The following PPP1R1C variants were observed in gnomAD, a reference collection of about 807,000 sequenced individuals.
PPP1R1C encodes protein phosphatase 1 regulatory inhibitor subunit 1C.
In PPP1R1C, 15 loss-of-function variants were observed where a neutral mutation model predicts 17.4. The observed-to-expected ratio is 0.86, with a 90% CI of 0.58 to 1.33. PPP1R1C has a LOEUF of 1.33. Among genes scored for constraint, PPP1R1C ranks in the 40% most tolerant of loss-of-function variants. The pLI, the probability that PPP1R1C is intolerant of heterozygous loss-of-function variation, is 0.00. For missense variants in PPP1R1C, 143 were observed against 130.0 expected (o/e 1.10, Z -0.48); for synonymous variants, 35 against 43.1 (o/e 0.81, Z 0.73).
chr2:182,082,492 G>A (rs767316535), intron 4 of PPP1R1C, among the ~76,000 whole-genome samples: 1 of 152,112 alleles, frequency 6.6e-6, no homozygotes, highest in Non-Finnish European at 1.5e-5. Flanking sequence ...CTGAGTTTCT[G>A]CTTGGCCTGG....
At chr2:182,091,345 T>C (rs1688773949) in intron 4 of PPP1R1C, among the ~76,000 whole-genome samples, 1 of 152,094 alleles carries the variant, frequency 6.6e-6, no homozygotes, top group South Asian at 2.1e-4. Flanking sequence ...TTGGGTTAAG[T>C]GAATCAAAGT....
At chr2:181,958,554 C>A (rs1415163139) in intron 1 of PPP1R1C, among the ~76,000 whole-genome samples, 1 of 152,210 alleles carries the variant, frequency 6.6e-6, no homozygotes, top group Non-Finnish European at 1.5e-5. Context: ...AATATCCATG[C>A]AGCCATGAGT....
intron 2 of PPP1R1C, among the ~76,000 whole-genome samples, chr2:182,057,367 A>T (rs1687717731): frequency 6.6e-6 from 1 of 152,156 alleles, no homozygotes; most frequent in African/African-American, 2.4e-5. Context: ...AGAGACATGA[A>T]TTGGGAAAGA....
intron 2 of PPP1R1C, among the ~76,000 whole-genome samples, chr2:181,998,907 T>G (rs1685686987): frequency 6.6e-6 from 1 of 152,142 alleles, no homozygotes; most frequent in African/African-American, 2.4e-5. Context: ...ACCATCACAT[T>G]TCAGTGAAGC....
intron 2 of PPP1R1C, among the ~76,000 whole-genome samples, chr2:182,044,892 T>G (rs538887383): frequency 6.6e-6 from 1 of 152,344 alleles, no homozygotes; most frequent in South Asian, 2.1e-4. Context: ...TCTATTTTTC[T>G]CTTTTATCAC....
At chr2:182,011,442 C>A (rs944232104) in intron 2 of PPP1R1C, among the ~76,000 whole-genome samples, 12 of 152,124 alleles carry the variant, frequency 7.9e-5, no homozygotes, top group Admixed American at 2.6e-4. Context: ...CTTTGAATTT[C>A]TGCCATATTG....
intron 2 of PPP1R1C, among the ~76,000 whole-genome samples, chr2:182,058,999 G>T (rs1032720514): frequency 1.3e-5 from 2 of 152,002 alleles, no homozygotes; most frequent in Non-Finnish European, 2.9e-5. Context: ...ACAAGGAGAC[G>T]CTGGGTGTTT....
At chr2:182,072,811 T>G (rs1688178368) in intron 4 of PPP1R1C, among the ~76,000 whole-genome samples, 1 of 152,216 alleles carries the variant, frequency 6.6e-6, no homozygotes, top group Non-Finnish European at 1.5e-5. Context: ...GTAATAACAG[T>G]TTTGTACTCA....
At chr2:182,072,116 G>A (rs2125205480) in intron 4 of PPP1R1C, among the ~76,000 whole-genome samples, 1 of 152,296 alleles carries the variant, frequency 6.6e-6, no homozygotes, top group Non-Finnish European at 1.5e-5. Flanking sequence ...ATTAATGTAG[G>A]CGCTATCAGT....
chr2:181,958,329 A>G (rs1190982045), intron 1 of PPP1R1C, among the ~76,000 whole-genome samples: 1 of 152,070 alleles, frequency 6.6e-6, no homozygotes, highest in Non-Finnish European at 1.5e-5. Context: ...GTGGCCATAA[A>G]CTCCCTGGCA....
intron 2 of PPP1R1C, among the ~76,000 whole-genome samples, chr2:182,053,533 A>C (rs1449652435): frequency 6.6e-6 from 1 of 152,128 alleles, no homozygotes; most frequent in Non-Finnish European, 1.5e-5. Context: ...ATTTTTCCAC[A>C]GTTAATAATT....
chr2:182,059,002 G>A (rs1687769153), intron 2 of PPP1R1C, among the ~76,000 whole-genome samples: 1 of 152,048 alleles, frequency 6.6e-6, no homozygotes, highest in Admixed American at 6.6e-5. Context: ...AGGAGACGCT[G>A]GGTGTTTGTA....
At chr2:182,050,917 A>G (rs993165892) in intron 2 of PPP1R1C, among the ~76,000 whole-genome samples, 1 of 152,222 alleles carries the variant, frequency 6.6e-6, no homozygotes. Flanking sequence ...GATTTTTATT[A>G]CAGCAGTCAA....
At chr2:181,978,575 G>A (rs1271702716) in intron 2 of PPP1R1C, among the ~76,000 whole-genome samples, 1 of 152,194 alleles carries the variant, frequency 6.6e-6, no homozygotes, top group Non-Finnish European at 1.5e-5. Flanking sequence ...TCTCCATGTG[G>A]CTTTGCCTTC....
chr2:181,961,618 T>A lies in PPP1R1C; in HGVS notation n.111+6984T>A. On this transcript the variant is annotated intron_variant and non_coding_transcript_variant, in intron 1 of 5. Coordinates refer to the PPP1R1C transcript ENST00000464264. This position sits in a 1 kb window ranked among gnomAD's most constrained non-coding sequence, Gnocchi z 5.8. Reference sequence around the variant, plus strand: ...GAGCGTCATCTCAGCATCTCCAACCTTGGTGGACTGCGTAGTGACCACTGT... The same window carrying A: ...GAGCGTCATCTCAGCATCTCCAACCATGGTGGACTGCGTAGTGACCACTGT... The A allele has an allele frequency of 1.3e-6, 1 of 742,496 alleles. No homozygotes were observed. The allele number at this position is 742,496 out of a possible 1,614,324, so 46.0% of individuals were successfully genotyped here. A position where few individuals can be genotyped will look rare whatever the true frequency, so the allele number is the denominator to read the frequency against.
At chr2:182,097,213 T>C (rs1688966093) in intron 4 of PPP1R1C, among the ~76,000 whole-genome samples, 1 of 151,734 alleles carries the variant, frequency 6.6e-6, no homozygotes, top group Non-Finnish European at 1.5e-5. Context: ...CTGGAGGAGG[T>C]TTTTCATTAG....
chr2:182,076,383 TC>T (rs1688312374), intron 4 of PPP1R1C, among the ~76,000 whole-genome samples: 1 of 151,302 alleles, frequency 6.6e-6, no homozygotes, highest in Non-Finnish European at 1.5e-5. Context: ...TGTATGAACT[TC>T]TATAATAGAA....
intron 2 of PPP1R1C, among the ~76,000 whole-genome samples, chr2:182,004,228 A>G (rs998493732): frequency 6.0e-4 from 92 of 152,330 alleles, no homozygotes; most frequent in African/African-American, 2.1e-3. Context: ...TAAAATTTGC[A>G]GGTATGTTTA....
chr2:182,071,277 TG>T (rs1256563947), intron 4 of PPP1R1C, among the ~76,000 whole-genome samples: 2 of 152,208 alleles, frequency 1.3e-5, no homozygotes, highest in Admixed American at 1.3e-4. Flanking sequence ...GTCCCTTGTT[TG>T]TGATGACCTT....
Sources: gnomAD v4.1 joint callset for allele counts (sites outside exome capture counted in the v4.1 genomes callset) on GRCh38, gnomAD v4.1.1 for gene constraint, Gnocchi (gnomAD v3.1) non-coding constraint, MANE v1.5 for transcripts, NCBI Gene and HGNC (gene_info 2026-07-23, HGNC 2026-07-21) for gene names.